Variants in SDHB observed in about 807,000 individuals in gnomAD.
SDHB encodes the protein succinate dehydrogenase complex iron sulfur subunit B.
SDHB carries 21 observed loss-of-function variants against 39.7 expected under a neutral mutation model. The observed-to-expected ratio is 0.53, with a 90% CI of 0.37 to 0.76. The LOEUF (loss-of-function observed/expected upper bound fraction) is 0.76, where lower values mean the gene tolerates loss of function less well. SDHB is among the 30% of genes least tolerant of loss of function. The pLI, the probability that SDHB is intolerant of heterozygous loss-of-function variation, is 0.00. For synonymous variants in SDHB, 118 were observed against 117.0 expected, an observed-to-expected ratio of 1.01 and a Z score of -0.06; for missense variants, 343 against 350.9, an observed-to-expected ratio of 0.98 and a Z score of 0.18.
At chr1:17,032,676 A>T (rs1419398354) in intron 3 of SDHB, 1 of 323,094 alleles carries the variant, frequency 3.1e-6, no homozygotes, top group Non-Finnish European at 6.0e-6. Flanking sequence ...GCTGAGGGAG[A>T]CTCACACATC....
intron 2 of SDHB, among the ~76,000 whole-genome samples, chr1:17,037,420 C>A (rs1195970579): frequency 1.3e-5 from 2 of 150,630 alleles, no homozygotes; most frequent in Non-Finnish European, 3.0e-5. Context: ...TCCCACCCCA[C>A]CCTCCCAAGT....
intron 2 of SDHB, among the ~76,000 whole-genome samples, chr1:17,043,611 A>T (rs1375162939): frequency 6.6e-6 from 1 of 152,222 alleles, no homozygotes; most frequent in Non-Finnish European, 1.5e-5. Context: ...GCAGGAGGCT[A>T]GAGACTAACT....
At chr1:17,049,647 CTTTTTTTTTTTTTT>C (rs397835910) in intron 1 of SDHB, among the ~76,000 whole-genome samples, 9 of 52,066 alleles carry the variant, frequency 1.7e-4, no homozygotes, top group African/African-American at 6.9e-4. Flanking sequence ...TCCCCTAGTT[CTTTTTTTTTTTTTT>C]TTTTTTTTTT....
chr1:17,052,081 A>G (rs2078151535), intron 1 of SDHB, among the ~76,000 whole-genome samples: 1 of 152,060 alleles, frequency 6.6e-6, no homozygotes, highest in Non-Finnish European at 1.5e-5. Flanking sequence ...TCCTGACCTC[A>G]GGTGATCCAC....
intron 5 of SDHB, among the ~76,000 whole-genome samples, chr1:17,027,085 T>C (rs2077995037): frequency 1.3e-5 from 2 of 152,202 alleles, no homozygotes; most frequent in African/African-American, 4.8e-5. Context: ...TGTCTCCATT[T>C]GGTCCCCTTC....
intron 1 of SDHB, chr1:17,045,145 T>C: frequency 2.1e-6 from 1 of 480,386 alleles, no homozygotes; most frequent in Non-Finnish European, 3.8e-6. Context: ...ACTTACTTTG[T>C]AGTGAACAAG....
intron 2 of SDHB, among the ~76,000 whole-genome samples, chr1:17,037,149 TG>T (rs1374191823): frequency 6.6e-6 from 1 of 152,016 alleles, no homozygotes; most frequent in Non-Finnish European, 1.5e-5. Flanking sequence ...AAATGAAGAC[TG>T]ACAGACATAG....
intron 1 of SDHB, chr1:17,052,166 G>C (rs991715518): frequency 6.6e-6 from 1 of 152,138 alleles, no homozygotes; most frequent in Admixed American, 6.6e-5. Context: ...CTTTTAAGTA[G>C]GTAGTTCTTG....
At chr1:17,028,202 C>T (rs2078002172) in intron 4 of SDHB, among the ~76,000 whole-genome samples, 1 of 152,178 alleles carries the variant, frequency 6.6e-6, no homozygotes, top group Admixed American at 6.5e-5. Context: ...TGTTGCTTTC[C>T]CAACTGGCAT....
intron 2 of SDHB, among the ~76,000 whole-genome samples, chr1:17,038,076 T>C (rs1213151994): frequency 6.6e-6 from 1 of 151,868 alleles, no homozygotes; most frequent in African/African-American, 2.4e-5. Context: ...GAGGCGGAGG[T>C]TGCGGTGAGC....
At chr1:17,046,199 A>G (rs1160059336) in intron 1 of SDHB, among the ~76,000 whole-genome samples, 1 of 152,210 alleles carries the variant, frequency 6.6e-6, no homozygotes, top group African/African-American at 2.4e-5. Flanking sequence ...AATCATCAAC[A>G]AAAGGAAAGC....
chr1:17,022,510 G>C lies in SDHB; in HGVS notation c.765+98C>G, dbSNP rs1337755155. 8.6e-6 allele frequency: 13 copies of C among 1,510,166 alleles called. No homozygotes were observed. In the East Asian group the frequency reaches 3.0e-4, roughly 35 times the overall value. 93.5% of individuals were successfully genotyped at this position (1,510,166 alleles called of 1,614,324 possible). On this transcript the variant is annotated intron_variant, in intron 7 of 7. Transcript: ENST00000375499. Reference sequence around the variant, plus strand: ...ATGCTGGTCCCTTTCCTTCTCAAATGACTAGGGTTGCTCTCTGCCAATCAC... The same window carrying C: ...ATGCTGGTCCCTTTCCTTCTCAAATCACTAGGGTTGCTCTCTGCCAATCAC...
In SDHB at chr1:17,022,653, TAG is replaced by T; in HGVS notation, c.718_719del (p.Leu240IlefsTer15). 6.2e-7 allele frequency: 1 copy of T among 1,614,026 alleles called. No homozygotes were observed. Among genetic ancestry groups the T allele is most frequent in the Non-Finnish European group, 8.5e-7 (1 of 1,179,954 alleles). The stretch of plus-strand genomic sequence containing the variant: ...AGTTCATGATGGTGTGGCAGCGGTA[TAG>T]AGAGAATGGGTCCTGCAGCTTGGCC... ...RLAKLQDPFS[L>X]YRCHTIMNCT... On this transcript the variant is annotated frameshift_variant, in exon 7 of 8. Transcript: ENST00000375499. LOFTEE classifies it high-confidence loss of function.
At chr1:17,024,110 CG>C in intron 5 of SDHB, 36 bp from the exon 6 acceptor site, 2 of 1,426,206 alleles carry the variant, frequency 1.4e-6, no homozygotes, top group Non-Finnish European at 9.8e-7. Context: ...GAGCTTGTGA[CG>C]GGAGAGACTC....
At chr1:17,028,848 C>T in intron 3 of SDHB, 112 bp from the exon 4 acceptor site, 2 of 1,253,020 alleles carry the variant, frequency 1.6e-6, no homozygotes, top group Non-Finnish European at 2.3e-6. Flanking sequence ...CACTGACATG[C>T]AACATTCCTC....
In SDHB at chr1:17,020,418, T is replaced by G. The variant is rs541724181; in HGVS notation, c.766-1460A>C. ...GATGGTTTTCAAGTCCCTTCCAGTTTCATGATCGGCCTATGTCTATGTCTC... is the reference window on the plus strand; with the variant it reads ...GATGGTTTTCAAGTCCCTTCCAGTTGCATGATCGGCCTATGTCTATGTCTC... On this transcript the variant is annotated intron_variant, in intron 7 of 7. Coordinates refer to ENST00000375499, the MANE Select transcript of SDHB (RefSeq NM_003000.3). 9.2e-5 allele frequency among the ~76,000 whole-genome samples: 14 copies of G among 152,326 alleles called. No homozygotes were observed. The South Asian group carries it at 2.9e-3, about 32-fold the overall frequency.
At chr1:17,022,322 T>G (rs895661823) in intron 7 of SDHB, among the ~76,000 whole-genome samples, 1 of 152,140 alleles carries the variant, frequency 6.6e-6, no homozygotes, top group African/African-American at 2.4e-5. Context: ...CCTGGGAAGG[T>G]TGAACGCAGG....
At chr1:17,027,919 C>G in intron 4 of SDHB, 54 bp from the exon 5 acceptor site, 1 of 1,088,950 alleles carries the variant, frequency 9.2e-7, no homozygotes, top group Non-Finnish European at 1.4e-6. Context: ...CAGATTCCAT[C>G]ATCACCTCAG....
chr1:17,019,209 A>G (rs1448457741), intron 7 of SDHB, among the ~76,000 whole-genome samples: 1 of 152,178 alleles, frequency 6.6e-6, no homozygotes, highest in Non-Finnish European at 1.5e-5. Flanking sequence ...GGCTCACTCT[A>G]ACAGGTAAAC....
Sources: gnomAD v4.1 joint callset for allele counts (sites outside exome capture counted in the v4.1 genomes callset) on GRCh38, gnomAD v4.1.1 for gene constraint, MANE v1.5 for transcripts, NCBI Gene and HGNC (gene_info 2026-07-23, HGNC 2026-07-21) for gene names.